KCNB2: variants seen among roughly 807,000 people sequenced by gnomAD.
KCNB2 encodes potassium voltage-gated channel subfamily B member 2.
KCNB2 carries 15 observed loss-of-function variants against 61.5 expected under a neutral mutation model. The ratio of observed to expected loss-of-function variants is 0.24; its 90% CI spans 0.16 to 0.38. The LOEUF is 0.38. Ranked by LOEUF, KCNB2 falls within the 10% of genes least tolerant of loss-of-function variation. KCNB2 has a pLI of 1.00. For missense variants in KCNB2, 828 were observed against 1,125.2 expected (o/e 0.74, Z 3.78); for synonymous variants, 457 against 446.0 (o/e 1.02, Z -0.31).
intron 1 of KCNB2, among the ~76,000 whole-genome samples, chr8:72,563,928 G>A (rs1021899772): frequency 3.9e-5 from 6 of 152,144 alleles, no homozygotes; most frequent in African/African-American, 7.2e-5. Flanking sequence ...AATAATAAGA[G>A]CAGATCATTT....
chr8:72,792,396 A>G (rs1041802104), intron 2 of KCNB2, among the ~76,000 whole-genome samples: 4 of 152,182 alleles, frequency 2.6e-5, no homozygotes, highest in Non-Finnish European at 1.5e-5. Context: ...GTAAAAATCA[A>G]TTTGTCTCAA....
At position 72,924,633 on chromosome 8, in the gene KCNB2, TCAGA is replaced by T. The variant is rs773161023; in HGVS notation, c.580-11298_580-11295del. 1.7e-3 allele frequency among the ~76,000 whole-genome samples: 258 copies of T among 152,172 alleles called. 1 individual carries two copies. The highest frequency in any genetic ancestry group is 2.0e-3 in the Non-Finnish European group (133 of 68,014). On this transcript the variant is annotated intron_variant, in intron 2 of 2. Coordinates refer to ENST00000523207, the MANE Select transcript of KCNB2 (RefSeq NM_004770.3). ...TATGTGATTGCAGAAAATGTCCGCATCAGACAGCTATAAAAAAAAGGGCCTCTCT... is the reference window on the plus strand; with the variant it reads ...TATGTGATTGCAGAAAATGTCCGCATCAGCTATAAAAAAAAGGGCCTCTCT...
At chr8:72,889,082 T>C (rs1262040634) in intron 2 of KCNB2, among the ~76,000 whole-genome samples, 2 of 152,104 alleles carry the variant, frequency 1.3e-5, no homozygotes, top group Non-Finnish European at 2.9e-5. Flanking sequence ...TGAAGGACTT[T>C]CCCAACATGT....
chr8:72,805,306 G>A (rs1177896200), intron 2 of KCNB2, among the ~76,000 whole-genome samples: 1 of 152,166 alleles, frequency 6.6e-6, no homozygotes, highest in African/African-American at 2.4e-5. Flanking sequence ...TCCCTCTACA[G>A]AAGTATATTT....
At chr8:72,917,066 C>G (rs182771225) in intron 2 of KCNB2, among the ~76,000 whole-genome samples, 1 of 152,320 alleles carries the variant, frequency 6.6e-6, no homozygotes, top group East Asian at 1.9e-4. Context: ...TCCCTCACTG[C>G]AGACCCACCC....
intron 2 of KCNB2, among the ~76,000 whole-genome samples, chr8:72,924,088 T>A (rs1806587846): frequency 6.6e-6 from 1 of 152,218 alleles, no homozygotes; most frequent in African/African-American, 2.4e-5. Flanking sequence ...GTCATCCGAC[T>A]CAAAATCCAG....
Position 72,709,735 on chromosome 8 carries a change from A to C in KCNB2, c.579+141422A>C, listed in dbSNP as rs182740149. On this transcript the variant is annotated intron_variant, in intron 2 of 2. Transcript: ENST00000523207. ...CCCCACCTGCAGCCCTGGGGATTAC[A>C]TTTCAACATGAGAGTTGGAGGGGAC... Among the ~76,000 whole-genome samples, 27 of 152,144 alleles carry C rather than the reference A, an allele frequency of 1.8e-4. No individual in the cohort carries two copies. The East Asian group carries it at 3.7e-3, about 21-fold the overall frequency.
At chr8:72,729,422 A>G (rs1807704314) in intron 2 of KCNB2, among the ~76,000 whole-genome samples, 1 of 152,204 alleles carries the variant, frequency 6.6e-6, no homozygotes, top group South Asian at 2.1e-4. Context: ...CTGACCATAC[A>G]CGGGTTCTCA....
At chr8:72,734,868 C>T (rs926612843) in intron 2 of KCNB2, among the ~76,000 whole-genome samples, 23 of 152,174 alleles carry the variant, frequency 1.5e-4, no homozygotes, top group African/African-American at 5.3e-4. Flanking sequence ...TGTTCTTCCC[C>T]ACCAGGGCCA....
At chr8:72,732,354 G>A (rs1044100936) in intron 2 of KCNB2, among the ~76,000 whole-genome samples, 3 of 152,170 alleles carry the variant, frequency 2.0e-5, no homozygotes, top group East Asian at 1.9e-4. Flanking sequence ...GGCAGAGCCC[G>A]CTTGTGTGAC....
chr8:72,709,621 T>A (rs115896774), intron 2 of KCNB2, among the ~76,000 whole-genome samples: 279 of 152,088 alleles, frequency 1.8e-3, no homozygotes, highest in African/African-American at 6.3e-3. Context: ...TTCAACTAAC[T>A]GAGTGAGAAC....
At chr8:72,897,507 G>A (rs1806011729) in intron 2 of KCNB2, among the ~76,000 whole-genome samples, 1 of 152,080 alleles carries the variant, frequency 6.6e-6, no homozygotes, top group Non-Finnish European at 1.5e-5. Context: ...TGTGTAATCT[G>A]TGTAATCATA....
intron 2 of KCNB2, among the ~76,000 whole-genome samples, chr8:72,727,630 G>C (rs995114642): frequency 4.6e-5 from 7 of 152,150 alleles, no homozygotes; most frequent in African/African-American, 1.7e-4. Flanking sequence ...AAAGGCTGTG[G>C]TTCTCTTACA....
intron 2 of KCNB2, among the ~76,000 whole-genome samples, chr8:72,748,609 G>GTTTTTTTT (rs758100543): frequency 1.1e-5 from 1 of 91,830 alleles, no homozygotes. Flanking sequence ...TTTTTTTTTT[G>GTTTTTTTT]TTGTTTTTTT....
chr8:72,774,973 A>C (rs1808623180), intron 2 of KCNB2, among the ~76,000 whole-genome samples: 1 of 152,318 alleles, frequency 6.6e-6, no homozygotes, highest in Non-Finnish European at 1.5e-5. Flanking sequence ...ACAATTGGCC[A>C]GGTAAGAAGC....
Position 72,937,113 on chromosome 8 carries a change from G to A in KCNB2, c.1758G>A (p.Leu586=), listed in dbSNP as rs563980285. Residue 586 remains leucine (L), a synonymous_variant, in exon 3 of 3, where the codon CTG becomes CTA. Transcript: ENST00000523207. The part of the protein sequence containing the change: ...MEEVVCPQEQ[L]AVAQTEVIVD... Reference sequence around the variant, plus strand: ...AAGTGGTGTGTCCACAGGAGCAGCTGGCCGTGGCACAGACCGAGGTCATTG... The same window carrying A: ...AAGTGGTGTGTCCACAGGAGCAGCTAGCCGTGGCACAGACCGAGGTCATTG... 1.2e-4 allele frequency: 192 copies of A among 1,614,162 alleles called. 2 individuals are homozygous for A. The South Asian group carries it at 1.9e-3, about 16-fold the overall frequency.
rs760086865 is a variant in KCNB2, at chr8:72,567,758, C to G, written c.24C>G (p.Gly8=). 8 of 1,584,028 alleles carry G rather than the reference C, an allele frequency of 5.1e-6. No homozygotes were observed. Among genetic ancestry groups the G allele is most frequent in the Non-Finnish European group, 6.9e-6 (8 of 1,167,314 alleles). The part of the protein sequence containing the change: MAEKAPP[G]LNRKTSRSTL... ...AAATGGCAGAAAAGGCTCCCCCGGG[C>G]TTAAACAGGAAGACTTCAAGGTCGA... Residue 8 remains glycine, a synonymous_variant, in exon 2 of 3, where the codon GGC becomes GGG. Coordinates refer to ENST00000523207, the MANE Select transcript of KCNB2 (RefSeq NM_004770.3).
chr8:72,750,671 T>G (rs1412537194), intron 2 of KCNB2: 2 of 152,168 alleles, frequency 1.3e-5, no homozygotes, highest in African/African-American at 4.8e-5. Context: ...TACTTTAGTT[T>G]GCTCACAGAT....
chr8:72,935,809 C>A, intron 2 of KCNB2, 126 bp from the exon 3 acceptor site: 1 of 710,358 alleles, frequency 1.4e-6, no homozygotes, highest in South Asian at 1.8e-5. Context: ...GTAAAATTAC[C>A]TTCTTATAAT....
Sources: allele counts gnomAD v4.1 joint callset (sites outside exome capture counted in the v4.1 genomes callset), GRCh38; gene constraint gnomAD v4.1.1; transcripts MANE v1.5; gene names NCBI Gene and HGNC (gene_info 2026-07-23, HGNC 2026-07-21).